Variants in ZNF736 observed in about 807,000 individuals in gnomAD.
ZNF736 encodes zinc finger protein 736, also known as KRAB-containing zinc-finger repressor protein.
A neutral mutation model predicts 11.7 loss-of-function variants in ZNF736; 6 were observed. The observed-to-expected ratio is 0.51, with a 90% CI of 0.28 to 1.01. The LOEUF is 1.01. ZNF736 is among the 50% of genes least tolerant of loss of function. The pLI, the probability that ZNF736 is intolerant of heterozygous loss-of-function variation, is 0.09. For missense variants in ZNF736, 444 were observed against 496.0 expected (o/e 0.90, Z 1.00); for synonymous variants, 139 against 164.7 (o/e 0.84, Z 1.19).
At chr7:64,336,481 A>G in intron 2 of ZNF736, 96 bp downstream of exon 2, 1 of 1,331,476 alleles carries the variant, frequency 7.5e-7, no homozygotes, top group Non-Finnish European at 9.9e-7. Context: ...AATGAGTTTC[A>G]GAATCCTGCT....
At chr7:64,321,002 A>C (rs1399321374) in intron 1 of ZNF736, among the ~76,000 whole-genome samples, 8 of 152,196 alleles carry the variant, frequency 5.3e-5, no homozygotes, top group African/African-American at 1.4e-4. Context: ...ACCTAGAAGG[A>C]AAAGAATGGT....
intron 3 of ZNF736, among the ~76,000 whole-genome samples, chr7:64,337,749 T>TTG (rs1211306083): frequency 5.0e-4 from 36 of 71,380 alleles, no homozygotes; most frequent in African/African-American, 7.1e-4. Context: ...TTGTTTTGTT[T>TTG]TTTTTGGTTT....
chr7:64,327,874 GTTTGTA>G (rs1402520879), intron 1 of ZNF736, among the ~76,000 whole-genome samples: 1 of 152,034 alleles, frequency 6.6e-6, no homozygotes, highest in African/African-American at 2.4e-5. Flanking sequence ...ACATTTTATT[GTTTGTA>G]TTTATATCTT....
At position 64,338,437 on chromosome 7, in the gene ZNF736, T is replaced by C. The variant is rs74788291; in HGVS notation, c.226+1455T>C. Among the ~76,000 whole-genome samples, 24 of 152,344 alleles carry C rather than the reference T, an allele frequency of 1.6e-4. No homozygotes were observed. The East Asian group carries it at 3.5e-3, about 22-fold the overall frequency. ...TTTCAGTAGTCATAAAGCTGTACCT[T>C]AGGTTACCATAACTTGTTTGTCTTT... On this transcript the variant is annotated intron_variant, in intron 3 of 3. Coordinates refer to ENST00000423484, the MANE Select transcript of ZNF736 (RefSeq NM_001170905.3).
intron 3 of ZNF736, among the ~76,000 whole-genome samples, chr7:64,339,073 G>A (rs1477674719): frequency 6.6e-6 from 1 of 152,092 alleles, no homozygotes; most frequent in Non-Finnish European, 1.5e-5. Context: ...TGCCAGATTG[G>A]TGACATTGAG....
intron 3 of ZNF736, among the ~76,000 whole-genome samples, chr7:64,347,512 C>T (rs1789428323): frequency 6.6e-6 from 1 of 152,116 alleles, no homozygotes; most frequent in Non-Finnish European, 1.5e-5. Context: ...AGGTGTGAGC[C>T]ACCACTCCTG....
intron 1 of ZNF736, among the ~76,000 whole-genome samples, chr7:64,317,845 G>A (rs1427193810): frequency 6.6e-6 from 1 of 151,266 alleles, no homozygotes; most frequent in South Asian, 2.1e-4. Context: ...TCAATTTTAT[G>A]TATTTTTTAA....
intron 1 of ZNF736, among the ~76,000 whole-genome samples, chr7:64,334,925 G>A (rs1448629170): frequency 6.6e-6 from 1 of 152,132 alleles, no homozygotes; most frequent in African/African-American, 2.4e-5. Context: ...AGAAAATGTG[G>A]CACATATACA....
intron 1 of ZNF736, among the ~76,000 whole-genome samples, chr7:64,322,034 A>C (rs1305066952): frequency 8.4e-5 from 2 of 23,752 alleles, no homozygotes; most frequent in Non-Finnish European, 2.6e-4. Context: ...GTTGAACTAC[A>C]GTCTGAATTT....
In ZNF736 at chr7:64,342,870, AATT is replaced by A. The variant is rs765060113; in HGVS notation, c.227-5216_227-5214del. On this transcript the variant is annotated intron_variant, in intron 3 of 3. Coordinates refer to ENST00000423484, the MANE Select transcript of ZNF736 (RefSeq NM_001170905.3). ...TATGTGATTGTATAAATTTATTTCTAATTATTTTATTTTATTCCATATTGTACT... is the reference window on the plus strand; with the variant it reads ...TATGTGATTGTATAAATTTATTTCTAATTTTATTTTATTCCATATTGTACT... Among the ~76,000 whole-genome samples, 416 of 152,198 alleles carry A rather than the reference AATT, an allele frequency of 2.7e-3. 2 individuals carry two copies. Among genetic ancestry groups the A allele is most frequent in the Non-Finnish European group, 3.8e-3 (258 of 67,968 alleles).
chr7:64,327,273 T>A (rs1383668171), intron 1 of ZNF736, among the ~76,000 whole-genome samples: 1 of 152,342 alleles, frequency 6.6e-6, no homozygotes, highest in East Asian at 1.9e-4. Flanking sequence ...TTTATTATAA[T>A]AACTTTGGTT....
intron 1 of ZNF736, among the ~76,000 whole-genome samples, chr7:64,329,730 G>T (rs1789133929): frequency 6.6e-6 from 1 of 152,038 alleles, no homozygotes; most frequent in South Asian, 2.1e-4. Context: ...CACAGGACTG[G>T]CTCTCACATA....
chr7:64,320,510 TAA>T (rs1012387496), intron 1 of ZNF736, among the ~76,000 whole-genome samples: 2 of 152,218 alleles, frequency 1.3e-5, no homozygotes, highest in African/African-American at 2.4e-5. Flanking sequence ...AGGTTTGGTC[TAA>T]AAAAACTTCA....
At chr7:64,327,152 G>A (rs1214964958) in intron 1 of ZNF736, among the ~76,000 whole-genome samples, 4 of 152,108 alleles carry the variant, frequency 2.6e-5, no homozygotes, top group African/African-American at 9.7e-5. Context: ...CTGTTGCACT[G>A]GAGTTGATCT....
At chr7:64,333,729 T>G (rs1274025384) in intron 1 of ZNF736, among the ~76,000 whole-genome samples, 5 of 152,138 alleles carry the variant, frequency 3.3e-5, no homozygotes, top group Non-Finnish European at 7.4e-5. Context: ...CCAAAGTAAT[T>G]TATAGATTCG....
chr7:64,317,017 C>G (rs1562665956), intron 1 of ZNF736, among the ~76,000 whole-genome samples: 3 of 152,282 alleles, frequency 2.0e-5, no homozygotes, highest in South Asian at 4.1e-4. Context: ...ACGTAAATTA[C>G]AAAACATTCA....
chr7:64,343,845 T>C (rs1789371829), intron 3 of ZNF736, among the ~76,000 whole-genome samples: 1 of 152,244 alleles, frequency 6.6e-6, no homozygotes, highest in African/African-American at 2.4e-5. Flanking sequence ...AAACAATGTT[T>C]GGACAAAAGT....
Position 64,336,289 on chromosome 7 carries a change from G to C in ZNF736, c.34G>C (p.Glu12Gln), listed in dbSNP as rs1356041311. The C allele has an allele frequency of 6.2e-7, 1 of 1,612,934 alleles. No homozygotes were observed. The highest frequency in any genetic ancestry group is 1.3e-5 in the African/African-American group (1 of 74,874). ...GVLTFRDVAV[E>Q]FSPEEWECLD... The stretch of plus-strand genomic sequence containing the variant: ...GTTGACATTCAGGGATGTGGCTGTA[G>C]AATTCTCCCCAGAAGAGTGGGAATG... The change falls in exon 2 of 4, where the codon GAA becomes CAA. Residue 12 changes from glutamate (E) to glutamine (Q), a missense_variant. Physicochemically the swap from Glu to Gln is conservative, Grantham distance 29. Coordinates refer to ENST00000423484, the MANE Select transcript of ZNF736 (RefSeq NM_001170905.3).
chr7:64,319,485 TTCCC>T (rs1230237593), intron 1 of ZNF736, among the ~76,000 whole-genome samples: 1 of 83,842 alleles, frequency 1.2e-5, no homozygotes, highest in Non-Finnish European at 2.2e-5. Flanking sequence ...AAAACATTTC[TTCCC>T]TTTTTTTTTT....
Sources: gnomAD v4.1 joint callset for allele counts (sites outside exome capture counted in the v4.1 genomes callset) on GRCh38, gnomAD v4.1.1 for gene constraint, MANE v1.5 for transcripts, NCBI Gene and HGNC (gene_info 2026-07-23, HGNC 2026-07-21) for gene names.